SPOCK3: variants seen among roughly 807,000 people sequenced by gnomAD.
SPOCK3 encodes the protein SPARC (osteonectin), cwcv and kazal like domains proteoglycan 3.
A neutral mutation model predicts 56.6 loss-of-function variants in SPOCK3; 30 were observed. The observed-to-expected ratio is 0.53, with a 90% CI of 0.40 to 0.72. SPOCK3 has a LOEUF of 0.72. Among genes scored for constraint, SPOCK3 ranks in the 30% least tolerant of loss-of-function variants. The pLI, the probability that SPOCK3 is intolerant of heterozygous loss-of-function variation, is 0.00. For missense variants in SPOCK3, 527 were observed against 530.0 expected (o/e 0.99, Z 0.06); for synonymous variants, 196 against 183.3 (o/e 1.07, Z -0.56).
At chr4:166,853,701 G>A (rs1730370962) in intron 6 of SPOCK3, among the ~76,000 whole-genome samples, 1 of 152,082 alleles carries the variant, frequency 6.6e-6, no homozygotes, top group African/African-American at 2.4e-5. Flanking sequence ...TGGCCAACAT[G>A]GCAAAAAGCC....
chr4:167,024,249 T>C (rs1751478981), intron 3 of SPOCK3, among the ~76,000 whole-genome samples: 1 of 152,034 alleles, frequency 6.6e-6, no homozygotes, highest in Non-Finnish European at 1.5e-5. Flanking sequence ...GTCTTTTCCC[T>C]GACGTTTTCC....
At chr4:167,084,460 A>G (rs1758007866) in intron 2 of SPOCK3, among the ~76,000 whole-genome samples, 1 of 152,178 alleles carries the variant, frequency 6.6e-6, no homozygotes, top group Admixed American at 6.6e-5. Context: ...CACAGCCCCA[A>G]GGCAAATACA....
chr4:166,958,306 G>C (rs1743742368), intron 4 of SPOCK3, among the ~76,000 whole-genome samples: 1 of 152,082 alleles, frequency 6.6e-6, no homozygotes, highest in Non-Finnish European at 1.5e-5. Flanking sequence ...GAAGCTTCCT[G>C]AGGCCTCCCC....
intron 2 of SPOCK3, among the ~76,000 whole-genome samples, chr4:167,129,126 G>T (rs1196760001): frequency 6.6e-6 from 1 of 152,160 alleles, no homozygotes; most frequent in Non-Finnish European, 1.5e-5. Flanking sequence ...TACTGCCTTT[G>T]AGACATGTAA....
At position 166,800,208 on chromosome 4, in the gene SPOCK3, G is replaced by GAAAAAAAAAAAAAA. The variant is rs1207796263; in HGVS notation, c.590-7920_590-7919insTTTTTTTTTTTTTT. On this transcript the variant is annotated intron_variant, in intron 6 of 10. Coordinates refer to ENST00000357545, the MANE Select transcript of SPOCK3 (RefSeq NM_001040159.2). Reference sequence around the variant, plus strand: ...GAAAAAAAAAAAAAAAAAAAAAAATGAAAACATGGACCTCATGATTGTAAG... The same window carrying GAAAAAAAAAAAAAA: ...GAAAAAAAAAAAAAAAAAAAAAAATGAAAAAAAAAAAAAAAAAACATGGACCTCATGATTGTAAG... Among the ~76,000 whole-genome samples, 69 of 112,934 alleles carry GAAAAAAAAAAAAAA rather than the reference G, an allele frequency of 6.1e-4. No individual in the cohort carries two copies. In the East Asian group the frequency reaches 7.3e-3, roughly 12 times the overall value. 74.1% of individuals were successfully genotyped at this position (112,934 alleles called of 152,430 possible). A position where few individuals can be genotyped will look rare whatever the true frequency, so the allele number is the denominator to read the frequency against.
At chr4:166,910,905 A>G (rs147504906) in intron 5 of SPOCK3, among the ~76,000 whole-genome samples, 288 of 152,342 alleles carry the variant, frequency 1.9e-3, no homozygotes, top group South Asian at 0.011. Context: ...ATTAAAATTT[A>G]CTTCCTCTGT....
intron 4 of SPOCK3, among the ~76,000 whole-genome samples, chr4:166,952,996 G>C (rs1048858438): frequency 3.3e-4 from 50 of 151,574 alleles, no homozygotes; most frequent in African/African-American, 1.1e-3. Flanking sequence ...AGAAAACCTA[G>C]GCATTACCAT....
At chr4:166,860,481 G>C (rs565290595) in intron 6 of SPOCK3, among the ~76,000 whole-genome samples, 8 of 152,046 alleles carry the variant, frequency 5.3e-5, no homozygotes, top group Non-Finnish European at 1.0e-4. Flanking sequence ...ACTTTAAATA[G>C]TTAATGAGAC....
At chr4:167,205,388 T>TATAG (rs1734086451) in intron 2 of SPOCK3, among the ~76,000 whole-genome samples, 1 of 41,744 alleles carries the variant, frequency 2.4e-5, no homozygotes, top group Non-Finnish European at 3.8e-5. Context: ...ATAATATATA[T>TATAG]ATTTTATATA....
chr4:166,776,682 C>T (rs779464063), intron 7 of SPOCK3, among the ~76,000 whole-genome samples: 62 of 152,088 alleles, frequency 4.1e-4, no homozygotes, highest in Middle Eastern at 3.2e-3. Flanking sequence ...CTTAACAACA[C>T]TCACTCAAGG....
At chr4:166,879,144 A>G (rs1733428264) in intron 6 of SPOCK3, among the ~76,000 whole-genome samples, 1 of 150,628 alleles carries the variant, frequency 6.6e-6, no homozygotes, top group South Asian at 2.1e-4. Flanking sequence ...AGAAGGCAGA[A>G]AGACTATCTG....
chr4:167,170,885 C>A (rs1395345771), intron 2 of SPOCK3, among the ~76,000 whole-genome samples: 1 of 152,000 alleles, frequency 6.6e-6, no homozygotes, highest in African/African-American at 2.4e-5. Context: ...ATTCTATTTA[C>A]TGACAGTACA....
chr4:166,860,535 A>G (rs975335349), intron 6 of SPOCK3, among the ~76,000 whole-genome samples: 16 of 152,034 alleles, frequency 1.1e-4, no homozygotes, highest in African/African-American at 3.9e-4. Context: ...ACTGAGATGC[A>G]TACTTAAATT....
chr4:166,772,722 AACT>A (rs1023796299), intron 7 of SPOCK3, among the ~76,000 whole-genome samples: 1 of 152,112 alleles, frequency 6.6e-6, no homozygotes, highest in African/African-American at 2.4e-5. Flanking sequence ...GCTGTGCAAA[AACT>A]ACTTTTAGAT....
At chr4:167,016,567 G>C (rs1359367854) in intron 3 of SPOCK3, among the ~76,000 whole-genome samples, 1 of 147,780 alleles carries the variant, frequency 6.8e-6, no homozygotes, top group African/African-American at 2.5e-5. Flanking sequence ...TCTTTTAATT[G>C]GTCTTGCTCT....
intron 2 of SPOCK3, among the ~76,000 whole-genome samples, chr4:167,151,193 T>C (rs1044290793): frequency 6.6e-6 from 1 of 152,186 alleles, no homozygotes; most frequent in Non-Finnish European, 1.5e-5. Flanking sequence ...CATCAACAAC[T>C]TTTAGTCCTT....
intron 6 of SPOCK3, among the ~76,000 whole-genome samples, chr4:166,845,296 A>T (rs993845276): frequency 2.0e-5 from 3 of 152,344 alleles, no homozygotes; most frequent in African/African-American, 7.2e-5. Context: ...AAACCAAAAT[A>T]AATTTTTCAT....
intron 2 of SPOCK3, among the ~76,000 whole-genome samples, chr4:167,206,975 C>T (rs551393086): frequency 8.6e-5 from 13 of 151,994 alleles, no homozygotes; most frequent in Non-Finnish European, 5.9e-5. Context: ...ACAAAAAAAA[C>T]GATAAATGTT....
At chr4:167,227,378 TA>T (rs1314053063) in intron 2 of SPOCK3, among the ~76,000 whole-genome samples, 8 of 152,242 alleles carry the variant, frequency 5.3e-5, no homozygotes, top group Non-Finnish European at 1.2e-4. Context: ...AACTGGCCAA[TA>T]AAAGACAACA....
Sources: allele counts gnomAD v4.1 joint callset (sites outside exome capture counted in the v4.1 genomes callset), GRCh38; gene constraint gnomAD v4.1.1; transcripts MANE v1.5; gene names NCBI Gene and HGNC (gene_info 2026-07-23, HGNC 2026-07-21).